The following TXNL4A variants were observed in gnomAD, a reference collection of about 807,000 sequenced individuals.
TXNL4A encodes thioredoxin like 4A.
A neutral mutation model predicts 14.6 loss-of-function variants in TXNL4A; 17 were observed. The observed-to-expected ratio is 1.16, with a 90% CI of 0.80 to 1.74. The LOEUF (loss-of-function observed/expected upper bound fraction) is 1.74, where lower values mean the gene tolerates loss of function less well. TXNL4A is among the 40% of genes most tolerant of loss of function. The probability of loss-of-function intolerance (pLI) is 0.00; values close to 1 mark genes in which losing one functional copy is unlikely to be tolerated. For synonymous variants in TXNL4A, 83 were observed against 70.6 expected (o/e 1.18, Z -0.88); for missense variants, 74 against 195.2 (o/e 0.38, Z 3.70).
At chr18:80,025,200 G>A (rs962791703) in intron 1 of TXNL4A, among the ~76,000 whole-genome samples, 4 of 152,198 alleles carry the variant, frequency 2.6e-5, no homozygotes, top group Admixed American at 1.3e-4. Context: ...GTGGTACCTG[G>A]AGAGTAGCAA....
chr18:79,999,127 C>T (rs1297739888), intron 1 of TXNL4A, among the ~76,000 whole-genome samples: 1 of 152,162 alleles, frequency 6.6e-6, no homozygotes, highest in Non-Finnish European at 1.5e-5. Flanking sequence ...AACATTTGCA[C>T]TGACAGCTGC....
At chr18:79,987,700 A>T (rs2051574084) in intron 1 of TXNL4A, among the ~76,000 whole-genome samples, 1 of 152,228 alleles carries the variant, frequency 6.6e-6, no homozygotes, top group African/African-American at 2.4e-5. Flanking sequence ...CTAACAAAGC[A>T]TATTTCTATT....
chr18:79,980,426 A>G (rs1327833684), intron 1 of TXNL4A, among the ~76,000 whole-genome samples: 1 of 152,220 alleles, frequency 6.6e-6, no homozygotes, highest in East Asian at 1.9e-4. Flanking sequence ...TGAAATAATT[A>G]TATCTGGGAT....
At chr18:80,006,799 G>A (rs1481483243) in intron 1 of TXNL4A, among the ~76,000 whole-genome samples, 1 of 152,180 alleles carries the variant, frequency 6.6e-6, no homozygotes, top group Non-Finnish European at 1.5e-5. Flanking sequence ...AGCTTGAGAA[G>A]GTGGTGTCTG....
chr18:79,988,375 C>G lies in TXNL4A; in HGVS notation c.18G>C (p.Pro6=), dbSNP rs561596360. The G allele has an allele frequency of 6.5e-7, 1 of 1,530,230 alleles. No individual in the cohort carries two copies. Among genetic ancestry groups the G allele is most frequent in the East Asian group, 2.5e-5 (1 of 40,254 alleles). The allele number at this position is 1,530,230 out of a possible 1,614,324, so 94.8% of individuals were successfully genotyped here. The change falls in exon 1 of 3, where the codon CCG becomes CCC. Residue 6 remains proline, a synonymous_variant. Transcript: ENST00000269601. The part of the protein sequence containing the change: MSYML[P]HLHNGWQVDQ... The stretch of plus-strand genomic sequence containing the variant: ...CCACCTGCCAGCCGTTGTGCAGGTG[C>G]GGGAGCATGTACGACATGGCGGCCC...
intron 1 of TXNL4A, among the ~76,000 whole-genome samples, chr18:80,020,718 T>C (rs114882978): frequency 0.028 from 4,318 of 152,298 alleles, 111 homozygotes; most frequent in African/African-American, 0.062. Flanking sequence ...TTATAGCTGA[T>C]TGAGTTTATT....
At chr18:79,981,260 T>G (rs576090131) in intron 1 of TXNL4A, among the ~76,000 whole-genome samples, 1 of 152,374 alleles carries the variant, frequency 6.6e-6, no homozygotes, top group South Asian at 2.1e-4. Flanking sequence ...GGTTGTAAAT[T>G]GTGTACTTAA....
At chr18:79,986,453 C>G in intron 1 of TXNL4A, 1 of 616,090 alleles carries the variant, frequency 1.6e-6, no homozygotes, top group South Asian at 7.2e-5. Context: ...AAAAAAAATA[C>G]CCCAAAGTGA....
intron 1 of TXNL4A, among the ~76,000 whole-genome samples, chr18:80,017,485 T>C (rs1035678723): frequency 2.0e-5 from 3 of 152,046 alleles, no homozygotes; most frequent in Admixed American, 6.6e-5. Context: ...TTCAGTATGA[T>C]ATTGGCTGTG....
intron 1 of TXNL4A, among the ~76,000 whole-genome samples, chr18:80,010,792 T>TC (rs1224024762): frequency 6.6e-6 from 1 of 151,974 alleles, no homozygotes; most frequent in Non-Finnish European, 1.5e-5. Context: ...CAGCCTGATT[T>TC]CCCCCCACCC....
At chr18:79,990,830 C>T (rs1264788500), upstream of TXNL4A, among the ~76,000 whole-genome samples, 3 of 150,952 alleles carry the variant, frequency 2.0e-5, no homozygotes, top group Non-Finnish European at 3.0e-5. Flanking sequence ...TTTGGCCGGG[C>T]GCGGTGGCTC....
intron 1 of TXNL4A, among the ~76,000 whole-genome samples, chr18:80,013,792 T>A (rs541390789): frequency 1.3e-5 from 2 of 152,314 alleles, no homozygotes; most frequent in South Asian, 2.1e-4. Flanking sequence ...TGTGTGGGCA[T>A]CTTTGGGAAG....
chr18:80,024,078 G>A lies in TXNL4A; in HGVS notation c.-61+9773C>T, dbSNP rs1273199879. On this transcript the variant is annotated intron_variant, in intron 1 of 2. Transcript: ENST00000585474. ...TGCTTGGTACTGGCTCGGGCACCTT[G>A]TAGCCCAAACCAACAGGACAATTTG... Among the ~76,000 whole-genome samples, 4 of 152,134 alleles carry A rather than the reference G, an allele frequency of 2.6e-5. No homozygotes were observed. The East Asian group carries it at 7.7e-4, about 29-fold the overall frequency.
At chr18:79,978,641 G>A (rs1181098336) in intron 1 of TXNL4A, among the ~76,000 whole-genome samples, 7 of 151,944 alleles carry the variant, frequency 4.6e-5, no homozygotes, top group Admixed American at 1.3e-4. Context: ...CTACAGGCAC[G>A]TACCATCACA....
intron 1 of TXNL4A, among the ~76,000 whole-genome samples, chr18:80,005,214 T>C (rs887517866): frequency 6.6e-6 from 1 of 152,232 alleles, no homozygotes; most frequent in Non-Finnish European, 1.5e-5. Flanking sequence ...TGGGGCATTC[T>C]GGACTCGAAG....
chr18:79,982,527 T>C lies in TXNL4A; in HGVS notation c.154-4826A>G, dbSNP rs1212995720. ...TGGGAGTGAGTGCAGAAGCCCACTG[T>C]AGAGTTGGGGGCAGGAAAGGGATGC... is the stretch of plus-strand genomic sequence containing the variant. On this transcript the variant is annotated intron_variant, in intron 1 of 2. Transcript: ENST00000269601. The surrounding 1 kb of genome is among the most constrained non-coding windows in gnomAD (Gnocchi z 4.0). Among the ~76,000 whole-genome samples, 2 of 151,814 alleles carry C rather than the reference T, an allele frequency of 1.3e-5. No individual in the cohort carries two copies. Among genetic ancestry groups the C allele is most frequent in the Non-Finnish European group, 2.9e-5 (2 of 67,964 alleles).
chr18:80,033,030 C>G (rs2051933938), intron 1 of TXNL4A, among the ~76,000 whole-genome samples: 1 of 152,066 alleles, frequency 6.6e-6, no homozygotes, highest in African/African-American at 2.4e-5. Flanking sequence ...CGCCCTTTCC[C>G]CTTTAAATCT....
At position 79,973,539 on chromosome 18, in the gene TXNL4A, C is replaced by T. The variant is rs534055280; in HGVS notation, c.*146G>A. ...CCTCTCACCACGTGCTTGTTTATTT[C>T]GGTGAGTTAAGACCATGTTATCAAT... On this transcript the variant is annotated 3_prime_UTR_variant, in exon 3 of 3. Transcript: ENST00000269601. 52 of 992,040 alleles carry T rather than the reference C, an allele frequency of 5.2e-5. No individual in the cohort carries two copies. The South Asian group carries it at 7.6e-4, about 14-fold the overall frequency. The allele number at this position is 992,040 out of a possible 1,614,324, so 61.5% of individuals were successfully genotyped here. A position where few individuals can be genotyped will look rare whatever the true frequency, so the allele number is the denominator to read the frequency against.
chr18:79,984,248 C>A (rs1311424418), intron 1 of TXNL4A, among the ~76,000 whole-genome samples: 1 of 152,176 alleles, frequency 6.6e-6, no homozygotes, highest in East Asian at 1.9e-4. Flanking sequence ...CTTAATATGG[C>A]TCCTATGAAG....
Sources: allele counts gnomAD v4.1 joint callset (sites outside exome capture counted in the v4.1 genomes callset), GRCh38; gene constraint gnomAD v4.1.1; non-coding constraint Gnocchi (gnomAD v3.1); transcripts MANE v1.5; gene names NCBI Gene and HGNC (gene_info 2026-07-23, HGNC 2026-07-21).